The following ANKRD31 variants were observed in gnomAD, a reference collection of about 807,000 sequenced individuals.
ANKRD31 encodes the protein ankyrin repeat domain-containing protein 31.
A neutral mutation model predicts 186.0 loss-of-function variants in ANKRD31; 147 were observed. That is an observed-to-expected ratio of 0.79 (90% confidence interval 0.69 to 0.91). ANKRD31 has a LOEUF of 0.91. Ranked by LOEUF, ANKRD31 falls within the 40% of genes least tolerant of loss-of-function variation. ANKRD31 has a pLI of 0.00. For synonymous variants in ANKRD31, 673 were observed against 736.4 expected, an observed-to-expected ratio of 0.91 and a Z score of 1.39; for missense variants, 1,986 against 2,148.8, an observed-to-expected ratio of 0.92 and a Z score of 1.50.
intron 10 of ANKRD31, among the ~76,000 whole-genome samples, chr5:75,184,115 CT>C (rs1411789317): frequency 1.5e-4 from 23 of 152,082 alleles, no homozygotes; most frequent in African/African-American, 5.6e-4. Context: ...CAGCCAACTG[CT>C]TTTCAACAAA....
At position 75,099,245 on chromosome 5, in the gene ANKRD31, G is replaced by A. The variant is rs371983996; in HGVS notation, c.5331+4983C>T. 8.2e-4 allele frequency among the ~76,000 whole-genome samples: 125 copies of A among 152,204 alleles called. 3 individuals carry two copies. In the South Asian group the frequency reaches 0.021, roughly 25 times the overall value. ...TGATGGATTACATTTATTGATTTGCGTATGTTGAACCAGCCTTGCATCCCA... is the reference window on the plus strand; with the variant it reads ...TGATGGATTACATTTATTGATTTGCATATGTTGAACCAGCCTTGCATCCCA... On this transcript the variant is annotated intron_variant, in intron 22 of 25. Coordinates refer to ENST00000506364, the MANE Select transcript of ANKRD31 (RefSeq NM_001372053.1).
intron 24 of ANKRD31, among the ~76,000 whole-genome samples, chr5:75,082,553 G>A (rs1365974877): frequency 1.3e-5 from 2 of 152,178 alleles, no homozygotes; most frequent in Non-Finnish European, 2.9e-5. Context: ...CTGCTCACTG[G>A]TGAAGACTAC....
At chr5:75,133,543 T>TA (rs2150116006) in intron 17 of ANKRD31, among the ~76,000 whole-genome samples, 1 of 152,282 alleles carries the variant, frequency 6.6e-6, no homozygotes, top group South Asian at 2.1e-4. Context: ...CAAAGAGACT[T>TA]AGACTCCCAC....
intron 12 of ANKRD31, among the ~76,000 whole-genome samples, chr5:75,153,133 G>A (rs1194328889): frequency 1.3e-5 from 2 of 151,998 alleles, no homozygotes; most frequent in African/African-American, 4.8e-5. Context: ...AGCTAATGTG[G>A]CAAGTAGCTA....
At chr5:75,220,658 T>C (rs1157411391) in intron 3 of ANKRD31, among the ~76,000 whole-genome samples, 8 of 145,976 alleles carry the variant, frequency 5.5e-5, no homozygotes, top group Non-Finnish European at 1.1e-4. Flanking sequence ...AAAAAAAAAG[T>C]GGGCAAAAGA....
intron 3 of ANKRD31, among the ~76,000 whole-genome samples, chr5:75,213,887 T>A (rs1048306552): frequency 6.6e-6 from 1 of 152,216 alleles, no homozygotes; most frequent in African/African-American, 2.4e-5. Context: ...AAGTCTGGCT[T>A]GCCGGATCAG....
At chr5:75,104,165 CA>C in intron 22 of ANKRD31, 62 bp downstream of exon 22, 1 of 1,322,272 alleles carries the variant, frequency 7.6e-7, no homozygotes, top group Non-Finnish European at 1.0e-6. Context: ...TATTATGTGA[CA>C]GCAACATTTA....
intron 17 of ANKRD31, among the ~76,000 whole-genome samples, chr5:75,133,337 C>CA (rs1212580744): frequency 1.7e-3 from 253 of 146,156 alleles, no homozygotes; most frequent in East Asian, 8.2e-3. Context: ...AAATGGAAAA[C>CA]AAAAAAAAAA....
intron 3 of ANKRD31, among the ~76,000 whole-genome samples, chr5:75,217,323 G>A (rs1253820616): frequency 6.6e-6 from 1 of 152,036 alleles, no homozygotes; most frequent in Non-Finnish European, 1.5e-5. Flanking sequence ...GTGTGGTGTT[G>A]AAGTCTCCCA....
chr5:75,095,469 G>A (rs905116115), intron 22 of ANKRD31, among the ~76,000 whole-genome samples: 7 of 113,490 alleles, frequency 6.2e-5, no homozygotes, highest in South Asian at 3.1e-4. Flanking sequence ...GCGAGACTCC[G>A]TCTCAAAAAA....
chr5:75,140,291 AAGGAAGG>A (rs1750944197), intron 15 of ANKRD31, among the ~76,000 whole-genome samples: 1 of 41,392 alleles, frequency 2.4e-5, no homozygotes, highest in African/African-American at 7.3e-4. Flanking sequence ...GAAAGAAAGG[AAGGAAGG>A]AAGGAAGGAA....
Position 75,184,515 on chromosome 5 carries a change from C to A in ANKRD31, c.1564+3978G>T, listed in dbSNP as rs891511598. Reference sequence around the variant, plus strand: ...ATGCATCTGACAAGGGGTTAATATGCAGAATATGTAAGAAACTCAAACAAC... The same window carrying A: ...ATGCATCTGACAAGGGGTTAATATGAAGAATATGTAAGAAACTCAAACAAC... On this transcript the variant is annotated intron_variant, in intron 10 of 25. Transcript: ENST00000506364. Among the ~76,000 whole-genome samples, 3 of 151,886 alleles carry A rather than the reference C, an allele frequency of 2.0e-5. No individual in the cohort carries two copies. The South Asian group carries it at 6.2e-4, about 32-fold the overall frequency.
At chr5:75,167,942 CAG>C (rs1221200830) in intron 11 of ANKRD31, among the ~76,000 whole-genome samples, 2 of 152,194 alleles carry the variant, frequency 1.3e-5, no homozygotes, top group Non-Finnish European at 2.9e-5. Context: ...CTGCTTCTGA[CAG>C]AGAAAGGATT....
intron 1 of ANKRD31, among the ~76,000 whole-genome samples, chr5:75,235,240 A>ATT (rs1456727863): frequency 8.9e-6 from 1 of 112,100 alleles, no homozygotes; most frequent in Admixed American, 9.3e-5. Flanking sequence ...TCTTGCTGGT[A>ATT]CTTTTTTTTT....
At chr5:75,107,497 C>CT (rs750155018) in intron 21 of ANKRD31, 24 bp downstream of exon 21, 1,258 of 1,396,258 alleles carry the variant, frequency 9.0e-4, no homozygotes, top group Middle Eastern at 2.9e-3. Flanking sequence ...CAAAAGCACT[C>CT]TTTTTTTTTC....
intron 24 of ANKRD31, among the ~76,000 whole-genome samples, chr5:75,083,478 C>T (rs1051101379): frequency 4.6e-5 from 7 of 152,174 alleles, no homozygotes; most frequent in Admixed American, 3.3e-4. Context: ...CCTGTAATCC[C>T]AGCACTTTGG....
intron 10 of ANKRD31, among the ~76,000 whole-genome samples, chr5:75,176,178 G>C (rs983741270): frequency 6.6e-6 from 1 of 152,208 alleles, no homozygotes; most frequent in East Asian, 1.9e-4. Context: ...TGGCAGTGAG[G>C]CTGGGGGAGG....
At chr5:75,085,187 C>T (rs1745385643) in intron 23 of ANKRD31, among the ~76,000 whole-genome samples, 1 of 152,134 alleles carries the variant, frequency 6.6e-6, no homozygotes, top group Admixed American at 6.5e-5. Flanking sequence ...CTTCTTTACT[C>T]ATATTTCTGT....
At chr5:75,200,238 A>G (rs961761707) in intron 5 of ANKRD31, among the ~76,000 whole-genome samples, 1 of 152,100 alleles carries the variant, frequency 6.6e-6, no homozygotes, top group Non-Finnish European at 1.5e-5. Flanking sequence ...AAGTTAGGTC[A>G]AAGGAGGATC....
Sources: allele counts gnomAD v4.1 joint callset (sites outside exome capture counted in the v4.1 genomes callset), GRCh38; gene constraint gnomAD v4.1.1; transcripts MANE v1.5; gene names NCBI Gene and HGNC (gene_info 2026-07-23, HGNC 2026-07-21).